The following SLC2A14 variants were observed in gnomAD, a reference collection of about 807,000 sequenced individuals.
The protein encoded by SLC2A14 is solute carrier family 2, facilitated glucose transporter member 14.
A neutral mutation model predicts 43.0 loss-of-function variants in SLC2A14; 13 were observed. The observed-to-expected ratio is 0.30, with a 90% CI of 0.20 to 0.48. SLC2A14 has a LOEUF of 0.48. Ranked by LOEUF, SLC2A14 falls within the 20% of genes least tolerant of loss-of-function variation. The pLI is 0.99. For missense variants in SLC2A14, 428 were observed against 620.4 expected, an observed-to-expected ratio of 0.69 and a Z score of 3.29; for synonymous variants, 190 against 233.8, an observed-to-expected ratio of 0.81 and a Z score of 1.71.
chr12:7,871,155 G>T, intron 1 of SLC2A14: 1 of 1,281,810 alleles, frequency 7.8e-7, no homozygotes, highest in Non-Finnish European at 1.0e-6. Flanking sequence ...CAGACCCCCA[G>T]GATGTGATCC....
intron 1 of SLC2A14, among the ~76,000 whole-genome samples, chr12:7,887,073 G>A (rs112103128): frequency 0.022 from 3,324 of 151,586 alleles, 83 homozygotes; most frequent in African/African-American, 0.066. Flanking sequence ...CACCACGCCC[G>A]GCTAATTTTT....
upstream of SLC2A14, chr12:7,873,346 A>C: frequency 4.1e-6 from 4 of 985,402 alleles, no homozygotes; most frequent in Non-Finnish European, 4.8e-6. Context: ...GAGATCCTGT[A>C]AAGAGTTATT....
At chr12:7,833,767 G>A (rs1055505594) in intron 2 of SLC2A14, among the ~76,000 whole-genome samples, 78 of 136,416 alleles carry the variant, frequency 5.7e-4, no homozygotes, top group Non-Finnish European at 1.0e-3. Flanking sequence ...GGGCAACAGA[G>A]CAAGACTCTG....
At chr12:7,891,184 A>T, upstream of SLC2A14, 2 of 1,498,912 alleles carry the variant, frequency 1.3e-6, no homozygotes, top group Admixed American at 2.0e-5. Context: ...GTGCAGACCC[A>T]GGAGCAGAGT....
chr12:7,818,031 G>A lies in SLC2A14; in HGVS notation c.1075C>T (p.His359Tyr). The change falls in exon 10 of 11, where the codon CAC becomes TAC. Residue 359 changes from histidine to tyrosine, a missense_variant. Around this residue, in one of 4 missense-constraint regions of SLC2A14, gnomAD observed 119 missense variants for 188.7 expected, o/e 0.63. Coordinates refer to ENST00000431042, the MANE Select transcript of SLC2A14 (RefSeq NM_001286234.2). ...LMTVSLLLKN[H>Y]YNGMSFVCIG... ...CAGACAAAGCTCATCCCATTATAGT[G>A]ATTCTGTAAGAGGAAGGAACACAGA... 1 of 1,613,010 alleles carries A rather than the reference G, an allele frequency of 6.2e-7. No homozygotes were observed. Among genetic ancestry groups the A allele is most frequent in the Non-Finnish European group, 8.5e-7 (1 of 1,179,472 alleles).
At chr12:7,882,969 G>A (rs1312337746) in intron 1 of SLC2A14, among the ~76,000 whole-genome samples, 2 of 151,732 alleles carry the variant, frequency 1.3e-5, no homozygotes, top group East Asian at 1.9e-4. Flanking sequence ...CCAGGACTTC[G>A]GGAGGCCAAG....
chr12:7,877,692 T>C (rs1010048169), upstream of SLC2A14, among the ~76,000 whole-genome samples: 10 of 152,124 alleles, frequency 6.6e-5, no homozygotes, highest in Non-Finnish European at 1.2e-4. Flanking sequence ...CCCAAAGTGG[T>C]GGGATTACAG....
At chr12:7,860,269 T>C (rs750486843) in intron 2 of SLC2A14, among the ~76,000 whole-genome samples, 2 of 152,050 alleles carry the variant, frequency 1.3e-5, no homozygotes, top group South Asian at 4.2e-4. Flanking sequence ...AGAGGATAAA[T>C]TTGGGAACAT....
At chr12:7,837,638 C>CAAAAAAA (rs557069415) in intron 2 of SLC2A14, among the ~76,000 whole-genome samples, 15,041 of 52,810 alleles carry the variant, frequency 0.28, 4,154 homozygotes, top group Middle Eastern at 0.47. Context: ...AACTTCGTCT[C>CAAAAAAA]AAAAAAAAAA....
chr12:7,852,071 G>A (rs1866979494), intron 2 of SLC2A14, among the ~76,000 whole-genome samples: 1 of 152,102 alleles, frequency 6.6e-6, no homozygotes, highest in South Asian at 2.1e-4. Context: ...TAAAAGATAA[G>A]AACAGAGCTT....
chr12:7,821,716 CT>C (rs554185616), intron 7 of SLC2A14, among the ~76,000 whole-genome samples: 62 of 152,028 alleles, frequency 4.1e-4, no homozygotes, highest in Non-Finnish European at 8.2e-4. Flanking sequence ...ATCTTATCTC[CT>C]TTCTCTTTTT....
At chr12:7,844,195 G>A (rs1015878222) in intron 2 of SLC2A14, among the ~76,000 whole-genome samples, 27 of 152,174 alleles carry the variant, frequency 1.8e-4, no homozygotes, top group African/African-American at 5.5e-4. Flanking sequence ...TTTTACTTCC[G>A]CCATCATCAA....
intron 7 of SLC2A14, among the ~76,000 whole-genome samples, chr12:7,824,123 G>A (rs1592157572): frequency 6.6e-6 from 1 of 151,962 alleles, no homozygotes; most frequent in Non-Finnish European, 1.5e-5. Context: ...GGGTGTGGTG[G>A]CAGGTGCCTG....
intron 2 of SLC2A14, among the ~76,000 whole-genome samples, chr12:7,846,482 T>C (rs1331810771): frequency 2.0e-5 from 3 of 152,050 alleles, no homozygotes; most frequent in Non-Finnish European, 4.4e-5. Flanking sequence ...TAATATCATT[T>C]CATGTTGGTT....
At chr12:7,845,103 T>C (rs1205742056) in intron 2 of SLC2A14, among the ~76,000 whole-genome samples, 1 of 152,126 alleles carries the variant, frequency 6.6e-6, no homozygotes, top group Non-Finnish European at 1.5e-5. Context: ...CATTTTTCCT[T>C]ATACATTCTT....
chr12:7,871,890 C>T lies in SLC2A14; in HGVS notation c.-58+917G>A, dbSNP rs750019664. On this transcript the variant is annotated intron_variant, in intron 1 of 10. Coordinates refer to ENST00000431042, the MANE Select transcript of SLC2A14 (RefSeq NM_001286234.2). The stretch of plus-strand genomic sequence containing the variant: ...ACACCCACCCAGAGCAGCCACCCAT[C>T]GTGGGAGTGTGCTCAAGAAGCCATC... 2.5e-4 allele frequency: 249 copies of T among 984,380 alleles called. 1 individual carries two copies. The African/African-American group carries it at 3.8e-3, about 15-fold the overall frequency. The allele number at this position is 984,380 out of a possible 1,614,324, so 61.0% of individuals were successfully genotyped here. A position where few individuals can be genotyped will look rare whatever the true frequency, so the allele number is the denominator to read the frequency against.
intron 2 of SLC2A14, among the ~76,000 whole-genome samples, chr12:7,860,979 A>T (rs1036070538): frequency 6.6e-6 from 1 of 151,974 alleles, no homozygotes; most frequent in African/African-American, 2.4e-5. Context: ...TTTAGTAGAG[A>T]CGGGGTTTCT....
chr12:7,886,774 T>G (rs995995915), intron 1 of SLC2A14, among the ~76,000 whole-genome samples: 6 of 152,088 alleles, frequency 3.9e-5, no homozygotes, highest in Admixed American at 6.6e-5. Flanking sequence ...ACCACTGTTA[T>G]TTTCAAGAGT....
At chr12:7,889,233 C>CCT (rs71451926) in intron 1 of SLC2A14, among the ~76,000 whole-genome samples, 9 of 132,360 alleles carry the variant, frequency 6.8e-5, no homozygotes, top group Non-Finnish European at 1.2e-4. Context: ...GCTGGTTGCC[C>CCT]TTTTTTTTTT....
Sources: gnomAD v4.1 joint callset for allele counts (sites outside exome capture counted in the v4.1 genomes callset) on GRCh38, gnomAD v4.1.1 for gene constraint, gnomAD v4.1.1 regional missense constraint, MANE v1.5 for transcripts, NCBI Gene and HGNC (gene_info 2026-07-23, HGNC 2026-07-21) for gene names.